The following NCALD variants were observed in gnomAD, a reference collection of about 807,000 sequenced individuals.
NCALD encodes the protein neurocalcin delta.
NCALD carries 10 observed loss-of-function variants against 18.6 expected under a neutral mutation model. That is an observed-to-expected ratio of 0.54 (90% CI 0.33 to 0.91). The LOEUF (loss-of-function observed/expected upper bound fraction) is 0.91. Among genes scored for constraint, NCALD ranks in the 40% least tolerant of loss-of-function variants. The probability of loss-of-function intolerance (pLI) is 0.03; values close to 1 mark genes in which losing one functional copy is unlikely to be tolerated. For synonymous variants in NCALD, 88 were observed against 87.4 expected, an observed-to-expected ratio of 1.01 and a Z score of -0.04; for missense variants, 184 against 247.6, an observed-to-expected ratio of 0.74 and a Z score of 1.72.
At chr8:101,735,138 G>A (rs1304810623) in intron 1 of NCALD, among the ~76,000 whole-genome samples, 1 of 152,012 alleles carries the variant, frequency 6.6e-6, no homozygotes, top group African/African-American at 2.4e-5. Flanking sequence ...TTGAAGGGAG[G>A]ATAGGAAGTA....
chr8:101,986,929 G>A (rs1469407722), intron 2 of NCALD, among the ~76,000 whole-genome samples: 2 of 152,184 alleles, frequency 1.3e-5, no homozygotes, highest in Non-Finnish European at 2.9e-5. Context: ...CTCTCCAGCA[G>A]GGAGGTGCTG....
intron 2 of NCALD, among the ~76,000 whole-genome samples, chr8:101,712,602 A>AAAAAAAAAAAAAAAAAAG (rs1563683244): frequency 2.3e-5 from 3 of 129,718 alleles, no homozygotes; most frequent in Admixed American, 8.1e-5. Flanking sequence ...AAAAAAAAAA[A>AAAAAAAAAAAAAAAAAAG]AAAAAAAAAT....
chr8:102,077,018 C>G (rs555530), intron 1 of NCALD, among the ~76,000 whole-genome samples: 63,889 of 151,986 alleles, frequency 0.42, 13,518 homozygotes, highest in South Asian at 0.45. Flanking sequence ...CATTCACGCC[C>G]CTTCCCTTAC....
At chr8:101,952,648 C>T (rs1819475137) in intron 2 of NCALD, among the ~76,000 whole-genome samples, 1 of 152,190 alleles carries the variant, frequency 6.6e-6, no homozygotes, top group South Asian at 2.1e-4. Context: ...GCCCACAGGG[C>T]CTGAAGGCAA....
intron 2 of NCALD, among the ~76,000 whole-genome samples, chr8:101,931,632 C>A (rs1224866055): frequency 6.7e-6 from 1 of 149,250 alleles, no homozygotes; most frequent in Non-Finnish European, 1.5e-5. Flanking sequence ...TTTCCTGTTT[C>A]TTTTCCTTTC....
intron 1 of NCALD, among the ~76,000 whole-genome samples, chr8:102,052,858 A>G (rs1823501084): frequency 6.6e-6 from 1 of 152,376 alleles, no homozygotes; most frequent in East Asian, 1.9e-4. Flanking sequence ...ATTTATGGAC[A>G]TTGAAATTTA....
chr8:101,895,948 T>C (rs1817148245), intron 3 of NCALD, among the ~76,000 whole-genome samples: 1 of 150,854 alleles, frequency 6.6e-6, no homozygotes, highest in Admixed American at 6.6e-5. Context: ...CCCAAGGTAA[T>C]TTATAGATTC....
intron 1 of NCALD, among the ~76,000 whole-genome samples, chr8:102,042,474 C>T (rs1002082908): frequency 2.0e-5 from 3 of 151,878 alleles, no homozygotes; most frequent in Admixed American, 6.6e-5. Context: ...AGGTGATACA[C>T]TGCGGCTTCT....
intron 1 of NCALD, among the ~76,000 whole-genome samples, chr8:102,044,173 G>A (rs7018404): frequency 6.6e-6 from 1 of 151,710 alleles, no homozygotes; most frequent in East Asian, 1.9e-4. Flanking sequence ...TCTTTTTTGA[G>A]AATTTAAGTC....
intron 3 of NCALD, among the ~76,000 whole-genome samples, chr8:101,900,365 C>G (rs577519152): frequency 4.6e-5 from 7 of 151,514 alleles, no homozygotes; most frequent in African/African-American, 1.7e-4. Context: ...TTATTATATC[C>G]TTTCTTATGC....
chr8:101,688,189 G>A lies in NCALD; in HGVS notation c.*1120C>T, dbSNP rs890298964. ...ATGCTGTCAATGGGCTGCTGGGCCTGAGAGGGAAACCACCCTACTGGTCCC... is the reference window on the plus strand; with the variant it reads ...ATGCTGTCAATGGGCTGCTGGGCCTAAGAGGGAAACCACCCTACTGGTCCC... On this transcript the variant is annotated 3_prime_UTR_variant, in exon 4 of 4. Coordinates refer to ENST00000220931, the MANE Select transcript of NCALD (RefSeq NM_032041.3). 1.2e-5 allele frequency: 2 copies of A among 161,692 alleles called. No homozygotes were observed. Among genetic ancestry groups the A allele is most frequent in the African/African-American group, 4.8e-5 (2 of 41,578 alleles). The allele number at this position is 161,692 out of a possible 1,614,324, so 10.0% of individuals were successfully genotyped here.
intron 4 of NCALD, among the ~76,000 whole-genome samples, chr8:101,862,268 T>C (rs1815573129): frequency 1.3e-5 from 2 of 152,228 alleles, no homozygotes; most frequent in Non-Finnish European, 2.9e-5. Context: ...AGGAACACAG[T>C]TCCTATGTAA....
At chr8:101,891,983 A>G (rs12896803) in intron 3 of NCALD, among the ~76,000 whole-genome samples, 6 of 152,224 alleles carry the variant, frequency 3.9e-5, no homozygotes, top group Non-Finnish European at 8.8e-5. Flanking sequence ...CAAAGCAGCC[A>G]GGAAGCTCGA....
intron 4 of NCALD, among the ~76,000 whole-genome samples, chr8:101,849,659 G>A (rs1167853083): frequency 6.6e-6 from 1 of 152,158 alleles, no homozygotes; most frequent in Non-Finnish European, 1.5e-5. Flanking sequence ...GCATAGGAAC[G>A]GAAGTCTCCT....
At chr8:102,043,972 T>G (rs1468768231) in intron 1 of NCALD, among the ~76,000 whole-genome samples, 1 of 151,818 alleles carries the variant, frequency 6.6e-6, no homozygotes, top group Non-Finnish European at 1.5e-5. Context: ...GAAAAACAAT[T>G]TAAGCATTTT....
At chr8:101,776,418 A>G (rs1164719567) in intron 1 of NCALD, among the ~76,000 whole-genome samples, 1 of 152,194 alleles carries the variant, frequency 6.6e-6, no homozygotes, top group Non-Finnish European at 1.5e-5. Context: ...ATTTCAATTA[A>G]CCAGGAATTA....
intron 4 of NCALD, among the ~76,000 whole-genome samples, chr8:101,807,670 C>A (rs1586553409): frequency 6.6e-6 from 1 of 152,124 alleles, no homozygotes; most frequent in African/African-American, 2.4e-5. Context: ...CTGTTAGAAG[C>A]AGACACAAAA....
intron 4 of NCALD, among the ~76,000 whole-genome samples, chr8:101,802,650 A>G (rs1812911660): frequency 6.6e-6 from 1 of 152,140 alleles, no homozygotes; most frequent in Non-Finnish European, 1.5e-5. Flanking sequence ...AGATCAAATT[A>G]GCCACAACAT....
intron 2 of NCALD, among the ~76,000 whole-genome samples, chr8:102,000,985 G>A (rs1563527563): frequency 6.6e-6 from 1 of 152,174 alleles, no homozygotes; most frequent in South Asian, 2.1e-4. Context: ...TCCTCCAAAG[G>A]AATACAGCTC....
Sources: allele counts gnomAD v4.1 joint callset (sites outside exome capture counted in the v4.1 genomes callset), GRCh38; gene constraint gnomAD v4.1.1; transcripts MANE v1.5; gene names NCBI Gene and HGNC (gene_info 2026-07-23, HGNC 2026-07-21).